Variants in CUBN observed in about 807,000 individuals in gnomAD.
The protein encoded by CUBN is cubilin.
A neutral mutation model predicts 405.3 loss-of-function variants in CUBN; 282 were observed. That is an observed-to-expected ratio of 0.70 (90% CI 0.63 to 0.77). The LOEUF (loss-of-function observed/expected upper bound fraction) is 0.77, where lower values mean the gene tolerates loss of function less well. CUBN is among the 30% of genes least tolerant of loss of function. The pLI is 0.00. For synonymous variants in CUBN, 1,684 were observed against 1,617.0 expected (o/e 1.04, Z -0.99); for missense variants, 4,514 against 4,475.2 (o/e 1.01, Z -0.25).
At chr10:16,841,154 T>C in intron 60 of CUBN, 107 bp from the exon 61 acceptor site, 3 of 892,230 alleles carry the variant, frequency 3.4e-6, no homozygotes, top group Non-Finnish European at 1.8e-6. Context: ...CATTTTTACA[T>C]TGATTTTCTT....
intron 3 of CUBN, 121 bp downstream of exon 3, chr10:17,127,708 G>T: frequency 3.0e-6 from 2 of 673,388 alleles, no homozygotes; most frequent in South Asian, 3.6e-5. Context: ...CAAACAGTGA[G>T]TAGTTACATG....
intron 54 of CUBN, among the ~76,000 whole-genome samples, chr10:16,891,320 C>T (rs903476269): frequency 3.3e-5 from 5 of 152,062 alleles, no homozygotes; most frequent in African/African-American, 1.2e-4. Flanking sequence ...CAGCTATAAA[C>T]AAGGCATTAT....
At chr10:16,924,275 A>G (rs541781426) in intron 43 of CUBN, among the ~76,000 whole-genome samples, 151 of 152,302 alleles carry the variant, frequency 9.9e-4, no homozygotes, top group African/African-American at 3.4e-3. Context: ...GTCCCAGCTT[A>G]GAAAGCAATG....
At chr10:16,972,991 T>C (rs1738985991) in intron 31 of CUBN, among the ~76,000 whole-genome samples, 1 of 152,170 alleles carries the variant, frequency 6.6e-6, no homozygotes. Context: ...TGCTGCCTGT[T>C]GTCACTGTAG....
At chr10:16,986,122 A>C (rs1209287124) in intron 29 of CUBN, among the ~76,000 whole-genome samples, 4 of 152,248 alleles carry the variant, frequency 2.6e-5, no homozygotes, top group Non-Finnish European at 5.9e-5. Flanking sequence ...TTGTAAAAGA[A>C]AGACCATCTT....
intron 55 of CUBN, among the ~76,000 whole-genome samples, chr10:16,889,627 G>A (rs918159875): frequency 5.3e-5 from 8 of 152,202 alleles, no homozygotes; most frequent in South Asian, 2.1e-4. Context: ...AAGACCGGCC[G>A]GGCACGGTGG....
At chr10:16,828,018 C>G (rs1588562791) in intron 66 of CUBN, among the ~76,000 whole-genome samples, 1 of 152,194 alleles carries the variant, frequency 6.6e-6, no homozygotes, top group East Asian at 1.9e-4. Context: ...AACAAACTAT[C>G]GGTCACCATT....
intron 60 of CUBN, among the ~76,000 whole-genome samples, chr10:16,844,271 A>C (rs57063925): frequency 0.018 from 2,344 of 131,470 alleles, 66 homozygotes; most frequent in African/African-American, 0.065. Context: ...CTCTGTCCCC[A>C]AAAAAAAAAA....
intron 17 of CUBN, among the ~76,000 whole-genome samples, chr10:17,075,268 G>A (rs1200893941): frequency 6.6e-6 from 1 of 151,720 alleles, no homozygotes. Flanking sequence ...ATTTTTAGTA[G>A]AGATGGGGTT....
chr10:17,045,295 T>A (rs1418280853), intron 24 of CUBN, 107 bp from the exon 25 acceptor site: 2 of 1,067,108 alleles, frequency 1.9e-6, no homozygotes, highest in Non-Finnish European at 2.8e-6. Context: ...TAAATCAAAT[T>A]GCACAGCAAA....
intron 40 of CUBN, among the ~76,000 whole-genome samples, chr10:16,930,324 T>C (rs1226216671): frequency 2.6e-5 from 4 of 152,220 alleles, no homozygotes; most frequent in Non-Finnish European, 5.9e-5. Context: ...AGTGACACTA[T>C]TAGGTGGGCA....
chr10:16,985,855 G>A (rs1206667134), intron 29 of CUBN, among the ~76,000 whole-genome samples: 1 of 152,204 alleles, frequency 6.6e-6, no homozygotes, highest in Non-Finnish European at 1.5e-5. Flanking sequence ...CTCCCAAACT[G>A]TCTGTCTGAC....
At chr10:17,076,461 T>C (rs1383378611) in intron 17 of CUBN, among the ~76,000 whole-genome samples, 2 of 138,334 alleles carry the variant, frequency 1.4e-5, no homozygotes, top group Non-Finnish European at 3.0e-5. Context: ...AATCTAGGAC[T>C]TGATAAATTT....
intron 59 of CUBN, among the ~76,000 whole-genome samples, chr10:16,854,917 C>G (rs893587494): frequency 2.6e-5 from 4 of 151,664 alleles, no homozygotes; most frequent in Admixed American, 2.6e-4. Flanking sequence ...TCCTTTCCTT[C>G]CTTCCTTCCT....
intron 29 of CUBN, among the ~76,000 whole-genome samples, chr10:16,987,439 C>A (rs45586333): frequency 0.049 from 7,429 of 152,282 alleles, 211 homozygotes; most frequent in African/African-American, 0.063. Context: ...TTGAACATTT[C>A]TTTCTGCTCT....
intron 39 of CUBN, among the ~76,000 whole-genome samples, chr10:16,935,549 C>T (rs941637747): frequency 3.9e-5 from 6 of 152,078 alleles, no homozygotes; most frequent in South Asian, 4.2e-4. Flanking sequence ...AATAAATATG[C>T]GTTGATTTAA....
chr10:16,981,684 T>A (rs1487505631), intron 31 of CUBN, among the ~76,000 whole-genome samples: 1 of 152,102 alleles, frequency 6.6e-6, no homozygotes, highest in Non-Finnish European at 1.5e-5. Context: ...GACCAGCCAG[T>A]TCTAGGGTTC....
chr10:17,017,681 A>G (rs149482061), intron 28 of CUBN, among the ~76,000 whole-genome samples: 89 of 152,288 alleles, frequency 5.8e-4, no homozygotes, highest in East Asian at 4.1e-3. Flanking sequence ...ACCCCCTACA[A>G]TGGGGCTTTG....
At chr10:16,971,394 AG>A (rs778842458) in intron 31 of CUBN, among the ~76,000 whole-genome samples, 11 of 152,204 alleles carry the variant, frequency 7.2e-5, no homozygotes, top group Non-Finnish European at 1.0e-4. Context: ...CAGCCTTGCC[AG>A]GGCATTGCCT....
Sources: allele counts gnomAD v4.1 joint callset (sites outside exome capture counted in the v4.1 genomes callset), GRCh38; gene constraint gnomAD v4.1.1; transcripts MANE v1.5; gene names NCBI Gene and HGNC (gene_info 2026-07-23, HGNC 2026-07-21).